Variants in MACROD2 observed in about 807,000 individuals in gnomAD.
MACROD2 encodes the protein ADP-ribose glycohydrolase MACROD2.
Under a neutral mutation model 70.4 loss-of-function variants are expected in MACROD2, and 36 were observed. The observed-to-expected ratio is 0.51, with a 90% confidence interval of 0.39 to 0.68. The LOEUF is 0.68. Ranked by LOEUF, MACROD2 falls within the 30% of genes least tolerant of loss-of-function variation. MACROD2 has a pLI of 0.00. For synonymous variants in MACROD2, 172 were observed against 178.8 expected, an observed-to-expected ratio of 0.96 and a Z score of 0.30; for missense variants, 496 against 538.4, an observed-to-expected ratio of 0.92 and a Z score of 0.78.
chr20:15,018,769 C>A (rs929811286), intron 5 of MACROD2, among the ~76,000 whole-genome samples: 1 of 152,172 alleles, frequency 6.6e-6, no homozygotes, highest in Non-Finnish European at 1.5e-5. Flanking sequence ...CCTTCCCCAG[C>A]CCACTGACTC....
chr20:15,361,556 T>C (rs145514033), intron 6 of MACROD2, among the ~76,000 whole-genome samples: 20 of 152,356 alleles, frequency 1.3e-4, no homozygotes, highest in African/African-American at 4.3e-4. Context: ...TCCTTTGTCA[T>C]AGAAATTTTG....
Position 15,983,096 on chromosome 20 carries a change from C to T in MACROD2, c.986-3631C>T, listed in dbSNP as rs138051291. Among the ~76,000 whole-genome samples the T allele has an allele frequency of 4.3e-3, 657 of 152,282 alleles. 10 individuals are homozygous for T. Among genetic ancestry groups the T allele is most frequent in the African/African-American group, 0.015 (623 of 41,540 alleles). On this transcript the variant is annotated intron_variant, in intron 13 of 17. Coordinates refer to ENST00000684519, the MANE Select transcript of MACROD2 (RefSeq NM_001351661.2). The stretch of plus-strand genomic sequence containing the variant: ...TTTTCTTTTTAACTCATGAAAAGCT[C>T]GTTGCTGTTGGTTGTAATAGATGTA...
At chr20:14,401,504 T>C (rs1402139141) in intron 3 of MACROD2, among the ~76,000 whole-genome samples, 1 of 152,206 alleles carries the variant, frequency 6.6e-6, no homozygotes, top group African/African-American at 2.4e-5. Context: ...GATATTGTAT[T>C]TTTTTCCATT....
intron 5 of MACROD2, among the ~76,000 whole-genome samples, chr20:15,068,493 T>C (rs1329384122): frequency 2.0e-5 from 3 of 151,474 alleles, no homozygotes; most frequent in Non-Finnish European, 4.4e-5. Flanking sequence ...TAGTGGGAGG[T>C]GTTTGGGTCA....
chr20:14,464,369 TC>T, intron 3 of MACROD2, among the ~76,000 whole-genome samples: 1 of 152,168 alleles, frequency 6.6e-6, no homozygotes, highest in Admixed American at 6.5e-5. Flanking sequence ...TTCTGTGGGA[TC>T]AGTGGTGATA....
intron 6 of MACROD2, among the ~76,000 whole-genome samples, chr20:15,390,554 C>G (rs1265344224): frequency 1.3e-5 from 2 of 152,046 alleles, no homozygotes; most frequent in Non-Finnish European, 2.9e-5. Context: ...AACATAGATG[C>G]AGAATGGAAG....
At chr20:14,238,799 C>G (rs569196873) in intron 3 of MACROD2, among the ~76,000 whole-genome samples, 1 of 151,920 alleles carries the variant, frequency 6.6e-6, no homozygotes, top group Non-Finnish European at 1.5e-5. Flanking sequence ...GAGGCCGAGG[C>G]GGGCGGATCA....
chr20:14,972,912 C>T (rs566330379), intron 5 of MACROD2, among the ~76,000 whole-genome samples: 1 of 152,318 alleles, frequency 6.6e-6, no homozygotes, highest in African/African-American at 2.4e-5. Context: ...CAGCCAGAAA[C>T]TCGCTGTTAT....
intron 5 of MACROD2, among the ~76,000 whole-genome samples, chr20:15,180,218 G>A (rs2076490684): frequency 6.6e-6 from 1 of 152,122 alleles, no homozygotes; most frequent in African/African-American, 2.4e-5. Flanking sequence ...ATGAATTTGG[G>A]GTGGGACACA....
At chr20:15,908,854 A>G (rs1175700706) in intron 10 of MACROD2, among the ~76,000 whole-genome samples, 2 of 152,224 alleles carry the variant, frequency 1.3e-5, no homozygotes, top group African/African-American at 4.8e-5. Flanking sequence ...TTAGCTTTCC[A>G]AACACCCAAG....
chr20:14,040,129 A>C (rs2148639263), intron 2 of MACROD2, among the ~76,000 whole-genome samples: 1 of 152,264 alleles, frequency 6.6e-6, no homozygotes, highest in East Asian at 1.9e-4. Context: ...ATATATTCTG[A>C]GAAATGTGTA....
intron 5 of MACROD2, among the ~76,000 whole-genome samples, chr20:14,735,080 G>A (rs966345966): frequency 6.6e-6 from 1 of 151,964 alleles, no homozygotes; most frequent in African/African-American, 2.4e-5. Flanking sequence ...GTTGGTGATG[G>A]ATTCTTACAT....
chr20:15,163,314 G>A (rs1392371656), intron 5 of MACROD2, among the ~76,000 whole-genome samples: 1 of 150,608 alleles, frequency 6.6e-6, no homozygotes, highest in African/African-American at 2.4e-5. Context: ...GAAAAAAAAA[G>A]AACTTTATAC....
chr20:14,873,359 T>C (rs1302061581), intron 5 of MACROD2, among the ~76,000 whole-genome samples: 1 of 152,132 alleles, frequency 6.6e-6, no homozygotes, highest in Non-Finnish European at 1.5e-5. Flanking sequence ...TACAGTCACT[T>C]GGATACATCA....
At chr20:14,294,072 G>T (rs2082408134) in intron 3 of MACROD2, among the ~76,000 whole-genome samples, 1 of 151,640 alleles carries the variant, frequency 6.6e-6, no homozygotes, top group East Asian at 1.9e-4. Context: ...TTAGATATTA[G>T]GTACCTAAAC....
At chr20:14,162,675 C>A (rs1308770066) in intron 3 of MACROD2, among the ~76,000 whole-genome samples, 1 of 151,678 alleles carries the variant, frequency 6.6e-6, no homozygotes, top group Non-Finnish European at 1.5e-5. Context: ...CTAAGTATAG[C>A]TACTCCTGCT....
chr20:15,909,373 C>T (rs62194163), intron 10 of MACROD2, among the ~76,000 whole-genome samples: 4,599 of 152,142 alleles, frequency 0.03, 101 homozygotes, highest in Non-Finnish European at 0.038. Context: ...GGGGAGAGAA[C>T]TTAGACCCTG....
At chr20:14,975,592 G>A (rs2423888) in intron 5 of MACROD2, among the ~76,000 whole-genome samples, 2,199 of 152,158 alleles carry the variant, frequency 0.014, 36 homozygotes, top group Admixed American at 0.038. Context: ...GTTGGAGATG[G>A]GTAGTGAAAT....
At chr20:15,267,652 AT>A (rs917705310) in intron 6 of MACROD2, among the ~76,000 whole-genome samples, 1 of 152,114 alleles carries the variant, frequency 6.6e-6, no homozygotes, top group African/African-American at 2.4e-5. Flanking sequence ...CCCTCAACAG[AT>A]TTCTAGGCTT....
Sources: gnomAD v4.1 joint callset for allele counts (sites outside exome capture counted in the v4.1 genomes callset) on GRCh38, gnomAD v4.1.1 for gene constraint, MANE v1.5 for transcripts, NCBI Gene and HGNC (gene_info 2026-07-23, HGNC 2026-07-21) for gene names.